Variants in CLPX observed in about 807,000 individuals in gnomAD.
CLPX encodes the protein caseinolytic mitochondrial matrix peptidase chaperone subunit X, also known as ATP-dependent clpX-like chaperone, mitochondrial.
A neutral mutation model predicts 76.4 loss-of-function variants in CLPX; 34 were observed. The ratio of observed to expected loss-of-function variants is 0.45; its 90% confidence interval spans 0.34 to 0.59. The LOEUF is 0.59. CLPX is among the 20% of genes least tolerant of loss of function. The probability of loss-of-function intolerance (pLI) is 0.01; values close to 1 mark genes in which losing one functional copy is unlikely to be tolerated. For synonymous variants in CLPX, 248 were observed against 270.9 expected (o/e 0.92, Z 0.83); for missense variants, 613 against 757.0 (o/e 0.81, Z 2.23).
chr15:65,183,674 T>C (rs2140656459), intron 1 of CLPX, among the ~76,000 whole-genome samples: 1 of 152,246 alleles, frequency 6.6e-6, no homozygotes, highest in Non-Finnish European at 1.5e-5. Context: ...TCACGGACTC[T>C]TGGCTACAAG....
chr15:65,166,409 T>C (rs1385347355), intron 4 of CLPX, among the ~76,000 whole-genome samples: 1 of 152,156 alleles, frequency 6.6e-6, no homozygotes, highest in Admixed American at 6.5e-5. Context: ...TCTAGCTATA[T>C]TTCACTGCCA....
rs1397565535 is a variant in CLPX, at chr15:65,180,153, A to T, written c.131T>A (p.Phe44Tyr). Reference sequence around the variant, plus strand: ...AGCTCTTTGCAGAATCTGAGTTTCAAATGTCCCAAGCCTTCCTAAAACTGA... The same window carrying T: ...AGCTCTTTGCAGAATCTGAGTTTCATATGTCCCAAGCCTTCCTAAAACTGA... ...HMSVLGRLGTFETQILQRAPL... is the reference protein window; with the variant it reads ...HMSVLGRLGTYETQILQRAPL... Residue 44 changes from phenylalanine (F) to tyrosine (Y), a missense_variant, in exon 2 of 14, where the codon TTT (phenylalanine) becomes TAT (tyrosine). Phe to Tyr is a conservative substitution (Grantham distance 22). Coordinates refer to ENST00000300107, the MANE Select transcript of CLPX (RefSeq NM_006660.5). 6.2e-7 allele frequency: 1 copy of T among 1,612,556 alleles called. No homozygotes were observed. The highest frequency in any genetic ancestry group is 8.5e-7 in the Non-Finnish European group (1 of 1,179,160).
At chr15:65,184,992 G>T in intron 1 of CLPX, 83 bp downstream of exon 1, 1 of 1,199,296 alleles carries the variant, frequency 8.3e-7, no homozygotes, top group Non-Finnish European at 1.2e-6. Context: ...CAGGCCTCGT[G>T]CCCTCCCCGG....
intron 6 of CLPX, among the ~76,000 whole-genome samples, chr15:65,160,623 T>TCTCTCTCTCTCA (rs1219208926): frequency 1.4e-4 from 14 of 101,030 alleles, no homozygotes; most frequent in African/African-American, 4.9e-4. Context: ...TCTCTCTCTC[T>TCTCTCTCTCTCA]CACACACACA....
Position 65,154,805 on chromosome 15 carries a change from G to A in CLPX, c.1588C>T (p.Gln530Ter). The A allele has an allele frequency of 6.2e-7, 1 of 1,613,608 alleles. No individual in the cohort carries two copies. Among genetic ancestry groups the A allele is most frequent in the Non-Finnish European group, 8.5e-7 (1 of 1,179,510 alleles). Residue 530 changes from glutamine to a stop codon, truncating the protein, a stop_gained, in exon 11 of 14, where the codon CAG (glutamine) becomes TAG (stop). Coordinates refer to ENST00000300107, the MANE Select transcript of CLPX (RefSeq NM_006660.5). LOFTEE classifies it high-confidence loss of function. Reference sequence around the variant, plus strand: ...ACCTTATCCATGCTGAATAAGGCCTGGTACTGAGGAATAACAGCATTTCGT... The same window carrying A: ...ACCTTATCCATGCTGAATAAGGCCTAGTACTGAGGAATAACAGCATTTCGT... ...EPRNAVIPQY[Q>*]ALFSMDKCEL...
chr15:65,163,375 GCAAT>G (rs1032892505), intron 5 of CLPX, among the ~76,000 whole-genome samples: 12 of 152,188 alleles, frequency 7.9e-5, no homozygotes, highest in Admixed American at 7.9e-4. Context: ...GCTACTAAAG[GCAAT>G]CAAAGATAAT....
intron 3 of CLPX, among the ~76,000 whole-genome samples, chr15:65,169,190 G>A (rs1170635282): frequency 6.6e-6 from 1 of 151,836 alleles, no homozygotes; most frequent in Non-Finnish European, 1.5e-5. Flanking sequence ...TCCTGACCTC[G>A]TGATCTGCCC....
rs747600520 is a variant in CLPX, at chr15:65,185,031, C to CT, written c.79+43_79+44insA. On this transcript the variant is annotated intron_variant, in intron 1 of 13. Coordinates refer to ENST00000300107, the MANE Select transcript of CLPX (RefSeq NM_006660.5). ...CCCCAACCATTGGCCAGTCCACCCC[C>CT]CCCCCGACAGGCTGAGGGCTCAGGA... 2.7e-6 allele frequency: 4 copies of CT among 1,505,722 alleles called. No homozygotes were observed. The East Asian group carries it at 9.8e-5, about 37-fold the overall frequency. The allele number at this position is 1,505,722 out of a possible 1,614,324, so 93.3% of individuals were successfully genotyped here. A position where few individuals can be genotyped will look rare whatever the true frequency, so the allele number is the denominator to read the frequency against.
chr15:65,168,412 T>C (rs1346488483), intron 3 of CLPX, among the ~76,000 whole-genome samples: 3 of 59,804 alleles, frequency 5.0e-5, no homozygotes, highest in Non-Finnish European at 1.2e-4. Context: ...AAAAAAAAAT[T>C]TGTGGATACA....
intron 3 of CLPX, among the ~76,000 whole-genome samples, chr15:65,167,713 T>TAAA (rs753139026): frequency 2.3e-5 from 3 of 132,674 alleles, no homozygotes; most frequent in African/African-American, 8.4e-5. Context: ...CCGTCTCTAC[T>TAAA]AAAAAAAAAA....
chr15:65,164,754 TC>T lies in CLPX; in HGVS notation c.514-567del, dbSNP rs1463162216. On this transcript the variant is annotated intron_variant, in intron 4 of 13. Coordinates refer to ENST00000300107, the MANE Select transcript of CLPX (RefSeq NM_006660.5). Reference sequence around the variant, plus strand: ...TTATCTGAGACTCTAAAAACTGTATTCTTATTTTTTTTTATTTTCTAAAAAT... The same window carrying T: ...TTATCTGAGACTCTAAAAACTGTATTTTATTTTTTTTTATTTTCTAAAAAT... Among the ~76,000 whole-genome samples, 5 of 152,112 alleles carry T rather than the reference TC, an allele frequency of 3.3e-5. 1 individual carries two copies. The highest frequency in any genetic ancestry group is 1.2e-4 in the African/African-American group (5 of 41,546).
At chr15:65,161,252 GA>G (rs2087853395) in intron 6 of CLPX, among the ~76,000 whole-genome samples, 1 of 152,016 alleles carries the variant, frequency 6.6e-6, no homozygotes, top group African/African-American at 2.4e-5. Context: ...CAAAGATGGA[GA>G]AAAAAAGCCA....
At chr15:65,161,323 C>G (rs2087854201) in intron 6 of CLPX, among the ~76,000 whole-genome samples, 1 of 152,182 alleles carries the variant, frequency 6.6e-6, no homozygotes. Context: ...TCCAAAGGGA[C>G]TTATAAGAAT....
chr15:65,185,026 A>ACCCCCCC, intron 1 of CLPX, 49 bp downstream of exon 1: 6 of 1,196,864 alleles, frequency 5.0e-6, no homozygotes, highest in South Asian at 1.4e-5. Flanking sequence ...TGGCCAGTCC[A>ACCCCCCC]CCCCCCCCCC....
At chr15:65,181,844 C>T (rs1459117751) in intron 1 of CLPX, among the ~76,000 whole-genome samples, 2 of 151,420 alleles carry the variant, frequency 1.3e-5, no homozygotes, top group East Asian at 3.9e-4. Context: ...ATTGAGGGGG[C>T]CAGGTGCAGT....
rs1316381518 is a variant in CLPX at position 65,150,198 on chromosome 15, T to A, written c.*625A>T. ...CCTCAGCCTCCCGAGTAGCTGGGAT[T>A]ACAGGCACCTGCCACGGCACCCAGC... On this transcript the variant is annotated 3_prime_UTR_variant, in exon 14 of 14. Transcript: ENST00000300107. 6.6e-6 allele frequency: 1 copy of A among 152,286 alleles called. No homozygotes were observed. The highest frequency in any genetic ancestry group is 1.5e-5 in the Non-Finnish European group (1 of 68,134). 9.4% of individuals were successfully genotyped at this position (152,286 alleles called of 1,614,324 possible).
At chr15:65,150,976 A>C (rs2087712012) in intron 13 of CLPX, 63 bp from the exon 14 acceptor site, 1 of 1,160,560 alleles carries the variant, frequency 8.6e-7, no homozygotes, top group Non-Finnish European at 1.3e-6. Flanking sequence ...TGATCTTTAA[A>C]ATCAAAACAG....
chr15:65,180,295 A>G (rs1309815879), intron 1 of CLPX, 91 bp from the exon 2 acceptor site: 4 of 978,266 alleles, frequency 4.1e-6, no homozygotes, highest in Non-Finnish European at 5.9e-6. Context: ...GGAGGTTGAA[A>G]AAAAGCTATC....
intron 11 of CLPX, 150 bp downstream of exon 11, chr15:65,154,631 AT>A (rs1383090672): frequency 6.5e-6 from 4 of 616,652 alleles, no homozygotes; most frequent in Non-Finnish European, 1.1e-5. Flanking sequence ...ATAATACAAT[AT>A]GCCTTCCTTG....
Sources: allele counts gnomAD v4.1 joint callset (sites outside exome capture counted in the v4.1 genomes callset), GRCh38; gene constraint gnomAD v4.1.1; transcripts MANE v1.5; gene names NCBI Gene and HGNC (gene_info 2026-07-23, HGNC 2026-07-21).